Variants in RBFOX2 observed in about 807,000 individuals in gnomAD.
RBFOX2 encodes RNA binding protein fox-1 homolog 2.
A neutral mutation model predicts 49.1 loss-of-function variants in RBFOX2; 10 were observed. That is an observed-to-expected ratio of 0.20 (90% CI 0.13 to 0.35). RBFOX2 has a LOEUF of 0.35. Ranked by LOEUF, RBFOX2 falls within the 10% of genes least tolerant of loss-of-function variation. The pLI, the probability that RBFOX2 is intolerant of heterozygous loss-of-function variation, is 1.00. For missense variants in RBFOX2, 323 were observed against 486.9 expected, an observed-to-expected ratio of 0.66 and a Z score of 3.17; for synonymous variants, 183 against 187.4, an observed-to-expected ratio of 0.98 and a Z score of 0.19.
At chr22:35,806,755 C>T (rs950773287) in intron 2 of RBFOX2, among the ~76,000 whole-genome samples, 4 of 152,080 alleles carry the variant, frequency 2.6e-5, no homozygotes, top group African/African-American at 9.7e-5. Flanking sequence ...AATAAAAAGA[C>T]AGAAATTTTC....
chr22:35,896,845 CA>C (rs538487501), intron 1 of RBFOX2, among the ~76,000 whole-genome samples: 39 of 152,070 alleles, frequency 2.6e-4, no homozygotes, highest in Non-Finnish European at 4.6e-4. Context: ...AAAGAACTTC[CA>C]AGCCTGAAAC....
upstream of RBFOX2, among the ~76,000 whole-genome samples, chr22:35,842,567 C>CT (rs540548535): frequency 7.9e-5 from 12 of 152,218 alleles, no homozygotes; most frequent in South Asian, 2.3e-3. Flanking sequence ...AATGGGATAA[C>CT]TGTGTTTTCA....
chr22:35,738,939 T>C (rs933499390), exon 12 of RBFOX2: 1 of 152,754 alleles, frequency 6.5e-6, no homozygotes, highest in Middle Eastern at 3.4e-3. Context: ...TTGATAATAA[T>C]AGGAGTAACC....
At chr22:35,781,090 G>A (rs150615525) in intron 3 of RBFOX2, among the ~76,000 whole-genome samples, 4 of 152,190 alleles carry the variant, frequency 2.6e-5, no homozygotes, top group Non-Finnish European at 5.9e-5. Flanking sequence ...TATCAGCTGG[G>A]GATTTTGTAA....
intron 11 of RBFOX2, 105 bp from the exon 14 acceptor site, chr22:35,744,354 C>T (rs1931462651): frequency 4.7e-6 from 5 of 1,071,636 alleles, no homozygotes; most frequent in Non-Finnish European, 6.6e-6. Flanking sequence ...TGCTTCGAAG[C>T]CTCAAAGCAA....
intron 1 of RBFOX2, among the ~76,000 whole-genome samples, chr22:35,924,199 T>C (rs1396886104): frequency 1.3e-5 from 2 of 152,228 alleles, no homozygotes; most frequent in Non-Finnish European, 2.9e-5. Context: ...CCCTGTCCCA[T>C]GCCGAGACGT....
intron 1 of RBFOX2, among the ~76,000 whole-genome samples, chr22:35,846,306 AT>A (rs1315056935): frequency 6.8e-6 from 1 of 146,210 alleles, no homozygotes; most frequent in Non-Finnish European, 1.5e-5. Flanking sequence ...AGTATAAACT[AT>A]ATAAGTAAAT....
At chr22:35,937,520 G>A (rs1461204108) in intron 1 of RBFOX2, among the ~76,000 whole-genome samples, 1 of 152,114 alleles carries the variant, frequency 6.6e-6, no homozygotes, top group African/African-American at 2.4e-5. Context: ...AATCTGAAAG[G>A]CCTGCAAATA....
intron 3 of RBFOX2, among the ~76,000 whole-genome samples, chr22:35,781,171 A>G (rs1193388338): frequency 6.6e-6 from 1 of 152,222 alleles, no homozygotes; most frequent in African/African-American, 2.4e-5. Context: ...ATAGGCATCA[A>G]TATTTTTTAA....
chr22:35,847,959 C>T (rs934165272), intron 1 of RBFOX2, among the ~76,000 whole-genome samples: 2 of 152,068 alleles, frequency 1.3e-5, no homozygotes, highest in Non-Finnish European at 2.9e-5. Flanking sequence ...CTTTAATCCA[C>T]CCCAAAATTG....
chr22:35,880,721 C>CTTTTATAAA (rs2045766242), intron 1 of RBFOX2, among the ~76,000 whole-genome samples: 1 of 152,054 alleles, frequency 6.6e-6, no homozygotes, highest in South Asian at 2.1e-4. Context: ...CTTTTATAAA[C>CTTTTATAAA]CTAAGATTCA....
chr22:35,769,507 C>G lies in RBFOX2; in HGVS notation c.454-1158G>C, dbSNP rs547018274. ...CATCATATTCACTTCATTCTAGGTG[C>G]TCTGTCCTTATCGTTCTACTCTGCA... On this transcript the variant is annotated intron_variant, in intron 4 of 11. Transcript: ENST00000405409. Among the ~76,000 whole-genome samples, 5 of 152,200 alleles carry G rather than the reference C, an allele frequency of 3.3e-5. No homozygotes were observed. In the South Asian group the frequency reaches 1.0e-3, roughly 32 times the overall value.
In RBFOX2 at chr22:35,935,216, G is replaced by A. The variant is rs567485647; in HGVS notation, c.-34+3631C>T. 1.4e-3 allele frequency among the ~76,000 whole-genome samples: 219 copies of A among 152,278 alleles called. 2 individuals are homozygous for A. Among genetic ancestry groups the A allele is most frequent in the African/African-American group, 4.8e-3 (201 of 41,570 alleles). On this transcript the variant is annotated intron_variant, in intron 1 of 13. Coordinates refer to the RBFOX2 transcript ENST00000359369. ...CTCCCAAAGTGCTGGGATTATAGAT[G>A]TAAGCCACTGCACTTGGTCCTGCAT... is the stretch of plus-strand genomic sequence containing the variant.
chr22:35,777,913 G>C, intron 4 of RBFOX2, 112 bp downstream of exon 5: 1 of 1,091,216 alleles, frequency 9.2e-7, no homozygotes, highest in Non-Finnish European at 1.3e-6. Context: ...GGATAATTAG[G>C]ATACTTTTAT....
At chr22:35,897,309 G>A in intron 1 of RBFOX2, 5 of 1,498,266 alleles carry the variant, frequency 3.3e-6, no homozygotes, top group Middle Eastern at 1.7e-4. Context: ...AATTTCAGCA[G>A]ACAGCCAGCA....
chr22:36,027,349 G>A (rs1308642273), intron 1 of RBFOX2, among the ~76,000 whole-genome samples: 1 of 152,098 alleles, frequency 6.6e-6, no homozygotes, highest in Non-Finnish European at 1.5e-5. Context: ...TGTCATAGCA[G>A]TATTTTCTGG....
chr22:35,781,724 G>A (rs1468251197), exon 3 of RBFOX2: 1 of 1,614,044 alleles, frequency 6.2e-7, no homozygotes, highest in African/African-American at 1.3e-5. Context: ...CTGGCCGTCT[G>A]TCTGTGCTCC....
exon 12 of RBFOX2, chr22:35,743,282 C>T (rs1462629048): frequency 6.6e-6 from 1 of 152,174 alleles, no homozygotes; most frequent in East Asian, 1.9e-4. Context: ...GGCTTATTCA[C>T]TTTTCTGTCC....
At chr22:35,783,526 C>T (rs1179756351) in intron 2 of RBFOX2, among the ~76,000 whole-genome samples, 1 of 152,008 alleles carries the variant, frequency 6.6e-6, no homozygotes, top group Non-Finnish European at 1.5e-5. Flanking sequence ...AGGGTAGCTG[C>T]TTTTCAAAAG....
Sources: allele counts gnomAD v4.1 joint callset (sites outside exome capture counted in the v4.1 genomes callset), GRCh38; gene constraint gnomAD v4.1.1; transcripts MANE v1.5; gene names NCBI Gene and HGNC (gene_info 2026-07-23, HGNC 2026-07-21).